Variants in PIP5K1A observed in about 807,000 individuals in gnomAD.
The protein encoded by PIP5K1A is phosphatidylinositol-4-phosphate 5-kinase type 1 alpha.
Under a neutral mutation model 72.9 loss-of-function variants are expected in PIP5K1A, and 46 were observed. The ratio of observed to expected loss-of-function variants is 0.63; its 90% CI spans 0.50 to 0.81. PIP5K1A has a LOEUF of 0.81. Among genes scored for constraint, PIP5K1A ranks in the 30% least tolerant of loss-of-function variants. The probability of loss-of-function intolerance (pLI) is 0.00; values close to 1 mark genes in which losing one functional copy is unlikely to be tolerated. For synonymous variants in PIP5K1A, 228 were observed against 255.1 expected (o/e 0.89, Z 1.01); for missense variants, 458 against 706.1 (o/e 0.65, Z 3.98).
intron 1 of PIP5K1A, chr1:151,215,891 T>G: frequency 1.3e-6 from 1 of 769,452 alleles, no homozygotes; most frequent in Non-Finnish European, 2.0e-6. Context: ...TTTAAAAACA[T>G]GTATGCTTAT....
chr1:151,208,328 G>A (rs1320273594), intron 1 of PIP5K1A, among the ~76,000 whole-genome samples: 1 of 150,916 alleles, frequency 6.6e-6, no homozygotes, highest in Non-Finnish European at 1.5e-5. Flanking sequence ...ACAAAATTTA[G>A]CTTTTCTCTG....
At chr1:151,200,440 T>G (rs1685066451) in intron 1 of PIP5K1A, among the ~76,000 whole-genome samples, 2 of 151,640 alleles carry the variant, frequency 1.3e-5, no homozygotes, top group African/African-American at 2.4e-5. Flanking sequence ...GGGAGGTGAG[T>G]CAGAAACTGA....
chr1:151,234,623 A>G, intron 8 of PIP5K1A, 127 bp downstream of exon 8: 1 of 710,816 alleles, frequency 1.4e-6, no homozygotes, highest in African/African-American at 1.8e-5. Flanking sequence ...TATTTAAAAT[A>G]AGTCTTAATT....
intron 1 of PIP5K1A, among the ~76,000 whole-genome samples, chr1:151,210,136 C>G (rs914742142): frequency 6.6e-6 from 1 of 151,312 alleles, no homozygotes; most frequent in African/African-American, 2.4e-5. Context: ...TGCCTGCTTC[C>G]GCCTCCCAAA....
chr1:151,218,329 G>A (rs1370626078), intron 1 of PIP5K1A, among the ~76,000 whole-genome samples: 1 of 152,158 alleles, frequency 6.6e-6, no homozygotes, highest in African/African-American at 2.4e-5. Context: ...TAATTTCCTT[G>A]AGAGGACCTG....
chr1:151,198,424 T>TG (rs1386282009), upstream of PIP5K1A: 1 of 255,290 alleles, frequency 3.9e-6, no homozygotes, highest in East Asian at 1.2e-4. Flanking sequence ...CTTCCACCCG[T>TG]GGACTCGTCA....
intron 12 of PIP5K1A, 132 bp from the exon 13 acceptor site, chr1:151,241,991 T>C: frequency 1.2e-6 from 1 of 808,322 alleles, no homozygotes; most frequent in African/African-American, 1.7e-5. Context: ...CCTGTCTTTG[T>C]TGACATTAGC....
chr1:151,229,681 T>G (rs1001701440), intron 4 of PIP5K1A, among the ~76,000 whole-genome samples: 5 of 151,246 alleles, frequency 3.3e-5, no homozygotes, highest in African/African-American at 1.2e-4. Context: ...TTTTATATGT[T>G]GAACATTAAG....
intron 3 of PIP5K1A, 25 bp from the exon 4 acceptor site, chr1:151,227,295 A>G (rs758487806): frequency 2.7e-6 from 4 of 1,470,276 alleles, no homozygotes; most frequent in African/African-American, 1.4e-5. Context: ...TGGGAATTGT[A>G]TTATAATCTT....
At chr1:151,210,137 G>A (rs946217374) in intron 1 of PIP5K1A, among the ~76,000 whole-genome samples, 14 of 151,914 alleles carry the variant, frequency 9.2e-5, no homozygotes, top group African/African-American at 3.1e-4. Context: ...GCCTGCTTCC[G>A]CCTCCCAAAG....
intron 1 of PIP5K1A, among the ~76,000 whole-genome samples, chr1:151,201,687 C>T (rs1217059562): frequency 2.0e-5 from 3 of 151,854 alleles, no homozygotes; most frequent in East Asian, 2.0e-4. Flanking sequence ...GGTGAAACCC[C>T]ATCTCTACTA....
chr1:151,223,695 TA>T (rs1268584044), intron 1 of PIP5K1A, among the ~76,000 whole-genome samples: 3 of 129,946 alleles, frequency 2.3e-5, no homozygotes, highest in African/African-American at 2.9e-5. Flanking sequence ...AAATAAAAAT[TA>T]AAAAAAAAGG....
rs61545057 is a variant in PIP5K1A at position 151,208,719 on chromosome 1, C to CTTTTTT, written c.85+9663_85+9668dup. The stretch of plus-strand genomic sequence containing the variant: ...TTATTAAGGATGTTGTAATGGTACG[C>CTTTTTT]TTTTTTTTTTTTTTTTTTTTTTTTT... On this transcript the variant is annotated intron_variant, in intron 1 of 15. Transcript: ENST00000368888. Among the ~76,000 whole-genome samples the CTTTTTT allele has an allele frequency of 5.6e-3, 240 of 43,178 alleles. 66 individuals carry two copies. The highest frequency in any genetic ancestry group is 7.3e-3 in the Non-Finnish European group (169 of 23,056). 28.3% of individuals were successfully genotyped at this position (43,178 alleles called of 152,430 possible). A position where few individuals can be genotyped will look rare whatever the true frequency, so the allele number is the denominator to read the frequency against.
intron 1 of PIP5K1A, among the ~76,000 whole-genome samples, chr1:151,206,481 G>A (rs1474359069): frequency 6.6e-6 from 1 of 152,176 alleles, no homozygotes; most frequent in African/African-American, 2.4e-5. Context: ...GGAAGTTGGC[G>A]AGAGGGAATG....
chr1:151,236,816 CTTTTCTT>C, intron 9 of PIP5K1A, 53 bp downstream of exon 9: 3 of 500,222 alleles, frequency 6.0e-6, no homozygotes, highest in East Asian at 3.7e-5. Flanking sequence ...CAGCACTTTT[CTTTTCTT>C]TTTTTTTTTT....
chr1:151,221,921 TAGCAAAAAA>T (rs1179612159), intron 1 of PIP5K1A, among the ~76,000 whole-genome samples: 1 of 151,706 alleles, frequency 6.6e-6, no homozygotes, highest in Non-Finnish European at 1.5e-5. Flanking sequence ...AAAAGAATAA[TAGCAAAAAA>T]AGCAAAATCA....
At chr1:151,231,948 G>T in intron 5 of PIP5K1A, 147 bp downstream of exon 5, 1 of 769,710 alleles carries the variant, frequency 1.3e-6, no homozygotes, top group Non-Finnish European at 2.2e-6. Flanking sequence ...GGACTAGAGA[G>T]TTCGGAGAGC....
upstream of PIP5K1A, among the ~76,000 whole-genome samples, chr1:151,197,438 C>A (rs1332119017): frequency 1.3e-5 from 2 of 152,054 alleles, no homozygotes; most frequent in African/African-American, 2.4e-5. Context: ...CGCCACCACG[C>A]CCGGCTAATT....
At position 151,234,407 on chromosome 1, in the gene PIP5K1A, C is replaced by T; in HGVS notation, c.850C>T (p.Leu284=). Residue 284 remains leucine (L), a synonymous_variant, in exon 8 of 16, where the codon CTA becomes TTA. Coordinates refer to ENST00000368888, the MANE Select transcript of PIP5K1A (RefSeq NM_001135638.2). The part of the protein sequence containing the change: ...REKPLPTFKD[L]DFLQDIPDGL... ...GAAGCCTCTTCCCACATTTAAAGAC[C>T]TAGACTTCTTACAAGACATCCCTGA... 1 of 1,613,844 alleles carries T rather than the reference C, an allele frequency of 6.2e-7. No homozygotes were observed. The highest frequency in any genetic ancestry group is 8.5e-7 in the Non-Finnish European group (1 of 1,179,722).
Sources: gnomAD v4.1 joint callset for allele counts (sites outside exome capture counted in the v4.1 genomes callset) on GRCh38, gnomAD v4.1.1 for gene constraint, MANE v1.5 for transcripts, NCBI Gene and HGNC (gene_info 2026-07-23, HGNC 2026-07-21) for gene names.